NINL: variants seen among roughly 807,000 people sequenced by gnomAD.
NINL encodes the protein ninein-like protein.
In NINL, 153 loss-of-function variants were observed where a neutral mutation model predicts 160.3. The observed-to-expected ratio is 0.95, with a 90% confidence interval of 0.84 to 1.09. The LOEUF (loss-of-function observed/expected upper bound fraction) is 1.09. NINL is among the 50% of genes least tolerant of loss of function. The pLI, the probability that NINL is intolerant of heterozygous loss-of-function variation, is 0.00. For missense variants in NINL, 1,829 were observed against 1,764.0 expected (o/e 1.04, Z -0.66); for synonymous variants, 800 against 734.8 (o/e 1.09, Z -1.43).
At chr20:25,488,440 G>A (rs939355546) in intron 13 of NINL, among the ~76,000 whole-genome samples, 1 of 152,086 alleles carries the variant, frequency 6.6e-6, no homozygotes, top group Non-Finnish European at 1.5e-5. Flanking sequence ...TGGCCAGGCT[G>A]GTCTTGAACT....
At chr20:25,497,598 G>A (rs767581728) in intron 9 of NINL, among the ~76,000 whole-genome samples, 9 of 152,256 alleles carry the variant, frequency 5.9e-5, no homozygotes, top group Non-Finnish European at 8.8e-5. Context: ...CTGCTTAGCA[G>A]ACGGATGGCC....
chr20:25,571,051 G>A (rs1214050691), intron 1 of NINL, among the ~76,000 whole-genome samples: 3 of 152,072 alleles, frequency 2.0e-5, no homozygotes, highest in African/African-American at 7.2e-5. Context: ...TGCTCTATAA[G>A]TAGGTGTTGT....
chr20:25,523,237 TATATATATATGAGAGA>T (rs1444331371), intron 2 of NINL, among the ~76,000 whole-genome samples: 10 of 151,646 alleles, frequency 6.6e-5, no homozygotes, highest in African/African-American at 2.4e-4. Flanking sequence ...TATGAGAGAA[TATATATATATGAGAGA>T]ATATATATAT....
chr20:25,464,183 G>A (rs771008924), intron 19 of NINL, among the ~76,000 whole-genome samples: 3 of 152,176 alleles, frequency 2.0e-5, no homozygotes, highest in African/African-American at 4.8e-5. Context: ...TTGGGAGGCC[G>A]AAGTGGAAGG....
At chr20:25,479,702 C>T (rs1178770783) in intron 15 of NINL, among the ~76,000 whole-genome samples, 1 of 152,194 alleles carries the variant, frequency 6.6e-6, no homozygotes, top group Non-Finnish European at 1.5e-5. Flanking sequence ...TGGACACTGT[C>T]CCTCAAAAGC....
At chr20:25,482,874 A>AT (rs2063422545) in intron 13 of NINL, among the ~76,000 whole-genome samples, 1 of 151,566 alleles carries the variant, frequency 6.6e-6, no homozygotes, top group Non-Finnish European at 1.5e-5. Context: ...AAATACAAAA[A>AT]TTAGCCGGGC....
intron 11 of NINL, 101 bp downstream of exon 11, chr20:25,491,250 C>T (rs1053930410): frequency 7.3e-6 from 10 of 1,372,714 alleles, no homozygotes; most frequent in African/African-American, 2.9e-5. Context: ...AGCTTGAGGG[C>T]ACTGGCAGGT....
chr20:25,491,068 C>T (rs1029145383), intron 11 of NINL, among the ~76,000 whole-genome samples: 8 of 152,214 alleles, frequency 5.3e-5, no homozygotes, highest in Admixed American at 1.3e-4. Context: ...GTGCTGGCTG[C>T]GGGTGCTGGC....
rs73337328 is a variant in NINL, at chr20:25,544,598, T to A, written c.-11-18000A>T. 6.6e-3 allele frequency among the ~76,000 whole-genome samples: 998 copies of A among 152,346 alleles called. 16 individuals are homozygous for A. Among genetic ancestry groups the A allele is most frequent in the African/African-American group, 0.023 (956 of 41,582 alleles). Reference sequence around the variant, plus strand: ...CCAGGGGCCAAGTCTTTGTTTCAGATGCACGGGTCCTTGTGAGAAGTCTGG... The same window carrying A: ...CCAGGGGCCAAGTCTTTGTTTCAGAAGCACGGGTCCTTGTGAGAAGTCTGG... On this transcript the variant is annotated intron_variant, in intron 1 of 23. Coordinates refer to ENST00000278886, the MANE Select transcript of NINL (RefSeq NM_025176.6).
chr20:25,462,713 G>A (rs1005342489), intron 19 of NINL, 172 bp from the exon 20 acceptor site: 2 of 585,728 alleles, frequency 3.4e-6, no homozygotes, highest in Non-Finnish European at 5.8e-6. Flanking sequence ...GGAGTGCGGT[G>A]GCACATTCAT....
intron 6 of NINL, 65 bp from the exon 7 acceptor site, chr20:25,504,169 G>A: frequency 6.7e-7 from 1 of 1,485,578 alleles, no homozygotes; most frequent in South Asian, 1.4e-5. Context: ...CCTCACCAGG[G>A]CCTCCCTCCC....
chr20:25,585,014 C>G (rs535034537), intron 1 of NINL, among the ~76,000 whole-genome samples: 1 of 152,162 alleles, frequency 6.6e-6, no homozygotes, highest in African/African-American at 2.4e-5. Context: ...AGGAGGGAAT[C>G]CTGGGCCTCG....
intron 21 of NINL, 105 bp from the exon 22 acceptor site, chr20:25,458,634 G>A (rs1292306422): frequency 8.3e-6 from 10 of 1,206,566 alleles, no homozygotes; most frequent in East Asian, 5.2e-5. Flanking sequence ...CAAGGAAAGC[G>A]TGTGCTCCCG....
At chr20:25,499,530 C>T (rs1301938886) in intron 8 of NINL, among the ~76,000 whole-genome samples, 1 of 152,022 alleles carries the variant, frequency 6.6e-6, no homozygotes, top group East Asian at 1.9e-4. Context: ...ATCTTGGAAC[C>T]GAGAGACTTG....
At chr20:25,458,321 G>A (rs957227248) in intron 22 of NINL, 62 bp downstream of exon 22, 25 of 1,591,518 alleles carry the variant, frequency 1.6e-5, no homozygotes, top group African/African-American at 4.0e-5. Flanking sequence ...ACTGAGGACC[G>A]GTGGGCCCGC....
chr20:25,521,927 CT>C (rs891433632), intron 2 of NINL, among the ~76,000 whole-genome samples: 2 of 151,642 alleles, frequency 1.3e-5, no homozygotes, highest in Non-Finnish European at 1.5e-5. Flanking sequence ...ATTTACTACA[CT>C]TTTTTTTTGT....
intron 15 of NINL, 31 bp downstream of exon 15, chr20:25,480,115 ACAGCAGCTACTCCCC>A: frequency 1.4e-6 from 2 of 1,388,298 alleles, no homozygotes; most frequent in Non-Finnish European, 2.1e-6. Flanking sequence ...TGCCCAACAC[ACAGCAGCTACTCCCC>A]CAGGGCCCCA....
chr20:25,455,752 T>A lies in NINL; in HGVS notation c.3878A>T (p.Glu1293Val), dbSNP rs774611725. 3.7e-6 allele frequency: 6 copies of A among 1,614,186 alleles called. No individual in the cohort carries two copies. Among genetic ancestry groups the A allele is most frequent in the Non-Finnish European group, 5.1e-6 (6 of 1,180,008 alleles). ...AATCATCTCCGCCTCTTCCACCCGC[T>A]CTTCTGTGGCTTTCAGCTGTTTCTC... is the stretch of plus-strand genomic sequence containing the variant. ...EHEKQLKATE[E>V]RVEEAEMILK... The change falls in exon 23 of 24, where the codon GAG (glutamate) becomes GTG (valine). Residue 1293 changes from glutamate (E) to valine (V), a missense_variant. Coordinates refer to ENST00000278886, the MANE Select transcript of NINL (RefSeq NM_025176.6).
In NINL at chr20:25,489,940, G is replaced by A. The variant is rs2063587935; in HGVS notation, c.1531C>T (p.Leu511Phe). 1.2e-6 allele frequency: 2 copies of A among 1,614,032 alleles called. No individual in the cohort carries two copies. Among genetic ancestry groups the A allele is most frequent in the Admixed American group, 3.3e-5 (2 of 60,004 alleles). Residue 511 changes from leucine to phenylalanine, a missense_variant, in exon 12 of 24, where the codon CTT becomes TTT. Coordinates refer to ENST00000278886, the MANE Select transcript of NINL (RefSeq NM_025176.6). ...QKEIVEVVEK[L>F]SDSERLALKL... is the part of the protein sequence containing the mutation. The stretch of plus-strand genomic sequence containing the variant: ...AGGGCCAGCCTCTCCGAATCCGAAA[G>A]CTTTTCCACCACTTCCACAATCTCC...
Sources: allele counts gnomAD v4.1 joint callset (sites outside exome capture counted in the v4.1 genomes callset), GRCh38; gene constraint gnomAD v4.1.1; transcripts MANE v1.5; gene names NCBI Gene and HGNC (gene_info 2026-07-23, HGNC 2026-07-21).